Variants in ANO7 observed in about 807,000 individuals in gnomAD.
ANO7 encodes the protein anoctamin 7.
A neutral mutation model predicts 115.8 loss-of-function variants in ANO7; 114 were observed. That is an observed-to-expected ratio of 0.98 (90% CI 0.85 to 1.15). The LOEUF (loss-of-function observed/expected upper bound fraction) is 1.15, where lower values mean the gene tolerates loss of function less well. Among genes scored for constraint, ANO7 ranks in the 50% most tolerant of loss-of-function variants. The pLI is 0.00. For missense variants in ANO7, 1,302 were observed against 1,201.2 expected, an observed-to-expected ratio of 1.08 and a Z score of -1.24; for synonymous variants, 550 against 498.2, an observed-to-expected ratio of 1.10 and a Z score of -1.38.
rs765513953 is a variant in ANO7 at position 241,218,243 on chromosome 2, T to C, written c.2183T>C (p.Phe728Ser). 6.6e-7 allele frequency: 1 copy of C among 1,507,272 alleles called. No individual in the cohort carries two copies. 93.4% of individuals were successfully genotyped at this position (1,507,272 alleles called of 1,614,324 possible). Residue 728 changes from phenylalanine (F) to serine (S), a missense_variant, in exon 21 of 25, where the codon TTC (phenylalanine) becomes TCC (serine). Phe to Ser is a radical substitution (Grantham distance 155). Coordinates refer to ENST00000674324, the MANE Select transcript of ANO7 (RefSeq NM_001370694.2). ...GCTGACCCCTCCGGCGCCCAGGCCTTCCTCCTGGCCTTCTCGTCCGACTTC... is the reference window on the plus strand; with the variant it reads ...GCTGACCCCTCCGGCGCCCAGGCCTCCCTCCTGGCCTTCTCGTCCGACTTC... ...LTHLAVISNA[F>S]LLAFSSDFLP...
the ANO7 span, among the ~76,000 whole-genome samples, chr2:241,238,068 G>A: frequency 6.6e-6 from 1 of 152,210 alleles, no homozygotes; most frequent in Non-Finnish European, 1.5e-5. This position sits in a 1 kb window ranked among gnomAD's most constrained non-coding sequence, Gnocchi z 4.9. Flanking sequence ...CAGAGTGGAG[G>A]GCATACCTTT....
At chr2:241,191,169 C>T (rs1293847167) in intron 2 of ANO7, 25 bp from the exon 3 acceptor site, 5 of 1,613,564 alleles carry the variant, frequency 3.1e-6, no homozygotes, top group African/African-American at 2.7e-5. Flanking sequence ...TGCTGATATG[C>T]TTCTCCATCC....
chr2:241,199,149 G>C, intron 4 of ANO7, 167 bp from the exon 5 acceptor site: 2 of 641,804 alleles, frequency 3.1e-6, no homozygotes, highest in Non-Finnish European at 2.8e-6. Context: ...GCTTTCAGAG[G>C]CGTATCCATG....
intron 24 of ANO7, 33 bp from the exon 25 acceptor site, chr2:241,224,064 C>CT (rs2069095544): frequency 6.2e-7 from 1 of 1,613,716 alleles, no homozygotes; most frequent in Non-Finnish European, 8.5e-7. Context: ...TGGCCCTAGT[C>CT]TGACTTGTCC....
chr2:241,202,043 A>G (rs2068484416), intron 7 of ANO7, 151 bp from the exon 8 acceptor site: 3 of 640,586 alleles, frequency 4.7e-6, no homozygotes, highest in Non-Finnish European at 8.3e-6. Context: ...GTGGTGACAC[A>G]AAGTCCCAAG....
At chr2:241,204,432 T>G (rs1574773176) in intron 9 of ANO7, among the ~76,000 whole-genome samples, 41 of 85,882 alleles carry the variant, frequency 4.8e-4, no homozygotes, top group South Asian at 8.0e-4. Context: ...AGGGTGGGGG[T>G]TGGGTGGTGG....
chr2:241,235,987 C>T, the ANO7 span: 6 of 210,954 alleles, frequency 2.8e-5, no homozygotes, highest in Middle Eastern at 2.0e-3. Context: ...GGGATCAGGA[C>T]GGCTTTGGCT....
At chr2:241,223,358 G>A (rs761556738) in intron 22 of ANO7, 82 bp downstream of exon 22, 4 of 1,473,318 alleles carry the variant, frequency 2.7e-6, no homozygotes, top group South Asian at 1.1e-5. Flanking sequence ...CACGTGGTGA[G>A]GGGTCGGTGC....
chr2:241,239,719 G>A, the ANO7 span: 344,010 of 1,613,844 alleles, frequency 0.21, 39,906 homozygotes, highest in Middle Eastern at 0.28. The surrounding 1 kb of genome is among the most constrained non-coding windows in gnomAD (Gnocchi z 4.6). Context: ...CCATCACCCC[G>A]CCATACTCTT....
the ANO7 span, among the ~76,000 whole-genome samples, chr2:241,231,593 C>T: frequency 6.6e-6 from 1 of 152,174 alleles, no homozygotes; most frequent in African/African-American, 2.4e-5. Flanking sequence ...CAGCTTCCTG[C>T]TTCTTTGCCC....
downstream of ANO7, chr2:241,228,155 G>A (rs2069309440): frequency 6.6e-6 from 1 of 152,320 alleles, no homozygotes; most frequent in Non-Finnish European, 1.5e-5. Context: ...GAAGGGCTGT[G>A]AGATGGATGG....
At chr2:241,196,133 C>G (rs2068322413) in intron 4 of ANO7, 4 of 1,355,922 alleles carry the variant, frequency 3.0e-6, no homozygotes, top group Non-Finnish European at 3.8e-6. Flanking sequence ...ATTCACCTGT[C>G]CCGTCTCCAA....
In ANO7 at chr2:241,190,121, C is replaced by A. The variant is rs753175781; in HGVS notation, c.58C>A (p.Pro20Thr). Residue 20 changes from proline to threonine, a missense_variant, in exon 2 of 25, where the codon CCT (proline) becomes ACT (threonine). Physicochemically the swap from Pro to Thr is conservative, Grantham distance 38 (BLOSUM62 -1). Coordinates refer to ENST00000674324, the MANE Select transcript of ANO7 (RefSeq NM_001370694.2). ...CACCGTCCTGATCGATGTGAGCCCC[C>A]CTGAGGCAGAGAAGAGGGGCTCTTA... ...DSTVLIDVSPPEAEKRGSYGS... is the reference protein window; with the variant it reads ...DSTVLIDVSPTEAEKRGSYGS... 2.5e-6 allele frequency: 4 copies of A among 1,580,790 alleles called. No homozygotes were observed. Among genetic ancestry groups the A allele is most frequent in the South Asian group, 1.2e-5 (1 of 86,042 alleles).
In ANO7 at chr2:241,223,786, A is replaced by C; in HGVS notation, c.2532+5A>C. 1 of 1,614,154 alleles carries C rather than the reference A, an allele frequency of 6.2e-7. No individual in the cohort carries two copies. The highest frequency in any genetic ancestry group is 8.5e-7 in the Non-Finnish European group (1 of 1,180,014). ...CAGGCACTGGCTGAGAATGAGGTGA[A>C]CTGTACAGCCCAGTCTCGGCCCTCC... On this transcript the variant is annotated splice_donor_5th_base_variant and intron_variant, in intron 23 of 24. Transcript: ENST00000674324.
chr2:241,191,746 T>C (rs376013517), intron 3 of ANO7, among the ~76,000 whole-genome samples: 7 of 81,330 alleles, frequency 8.6e-5, no homozygotes, highest in African/African-American at 3.4e-4. Flanking sequence ...AGAGAGACCC[T>C]AACCTCCTCC....
chr2:241,233,841 AGGAAACT>A, the ANO7 span: 1 of 1,614,186 alleles, frequency 6.2e-7, no homozygotes, highest in Admixed American at 1.7e-5. This position sits in a 1 kb window ranked among gnomAD's most constrained non-coding sequence, Gnocchi z 4.3. Context: ...CGTCCTTATC[AGGAAACT>A]GGATGTTCAC....
In ANO7 at chr2:241,196,193, TG is replaced by T. The variant is rs2068324508; in HGVS notation, c.309+349del. 1.0e-5 allele frequency: 12 copies of T among 1,196,268 alleles called. No homozygotes were observed. The South Asian group carries it at 2.8e-4, about 28-fold the overall frequency. 74.1% of individuals were successfully genotyped at this position (1,196,268 alleles called of 1,614,324 possible). The stretch of plus-strand genomic sequence containing the variant: ...TCATTTGTGTTTATGACTCTCAGTG[TG>T]CTTATAGAATTAACAGCTTAAAAAG... On this transcript the variant is annotated intron_variant, in intron 4 of 24. Transcript: ENST00000674324.
At chr2:241,234,978 C>G in the ANO7 span, 1 of 933,438 alleles carries the variant, frequency 1.1e-6, no homozygotes, top group Non-Finnish European at 1.6e-6. Flanking sequence ...TGGATGCTGA[C>G]TGCGTCCTGG....
chr2:241,193,232 G>C (rs1358855228), intron 3 of ANO7, among the ~76,000 whole-genome samples: 2 of 151,994 alleles, frequency 1.3e-5, no homozygotes, highest in Non-Finnish European at 2.9e-5. Context: ...ACCACGCCCG[G>C]TTAATTTTTG....
Sources: allele counts gnomAD v4.1 joint callset (sites outside exome capture counted in the v4.1 genomes callset), GRCh38; gene constraint gnomAD v4.1.1; non-coding constraint Gnocchi (gnomAD v3.1); transcripts MANE v1.5; gene names NCBI Gene and HGNC (gene_info 2026-07-23, HGNC 2026-07-21).